The following FCSK variants were observed in gnomAD, a reference collection of about 807,000 sequenced individuals.
FCSK encodes the protein L-fucose kinase.
Under a neutral mutation model 122.5 loss-of-function variants are expected in FCSK, and 123 were observed. That is an observed-to-expected ratio of 1.00 (90% CI 0.87 to 1.17). FCSK has a LOEUF of 1.17. Ranked by LOEUF, FCSK falls within the 50% of genes most tolerant of loss-of-function variation. The pLI, the probability that FCSK is intolerant of heterozygous loss-of-function variation, is 0.00. For missense variants in FCSK, 1,366 were observed against 1,450.4 expected, an observed-to-expected ratio of 0.94 and a Z score of 0.95; for synonymous variants, 620 against 625.5, an observed-to-expected ratio of 0.99 and a Z score of 0.13.
rs748587910 is a variant in FCSK, at chr16:70,463,726, C to T, written c.186C>T (p.Asn62=). ...KRVGSGGATL[N]ALLVAAEHLS... ...TGGGCAGCGGAGGAGCCACCCTCAA[C>T]GCCCTGCTGGTGGCTGCTGAACACC... The change falls in exon 3 of 24, where the codon AAC becomes AAT. Residue 62 remains asparagine, a synonymous_variant. Coordinates refer to ENST00000288078, the MANE Select transcript of FCSK (RefSeq NM_145059.3). The T allele has an allele frequency of 6.6e-5, 107 of 1,612,512 alleles. No individual in the cohort carries two copies. Among genetic ancestry groups the T allele is most frequent in the Middle Eastern group, 1.9e-4 (1 of 5,368 alleles).
chr16:70,476,753 C>G (rs1216745201), intron 20 of FCSK, among the ~76,000 whole-genome samples: 7 of 152,316 alleles, frequency 4.6e-5, no homozygotes, highest in Middle Eastern at 6.8e-3. Context: ...GACTCATATC[C>G]CATAATCGGT....
chr16:70,471,812 G>GTT lies in FCSK; in HGVS notation c.1341+476_1341+477dup, dbSNP rs1230034123. ...GCTAGTCTGGTTGGGTGGGGTTGTT[G>GTT]TTTTTTTTTTTTTTTTTGAGACTCA... On this transcript the variant is annotated intron_variant, in intron 13 of 23. Coordinates refer to ENST00000288078, the MANE Select transcript of FCSK (RefSeq NM_145059.3). Among the ~76,000 whole-genome samples the GTT allele has an allele frequency of 5.6e-4, 72 of 128,642 alleles. 1 individual carries two copies. Among genetic ancestry groups the GTT allele is most frequent in the African/African-American group, 1.9e-3 (60 of 32,354 alleles). The allele number at this position is 128,642 out of a possible 152,430, so 84.4% of individuals were successfully genotyped here.
In FCSK at chr16:70,479,967, CA is replaced by C. The variant is rs2048946539; in HGVS notation, c.*289del. 3 of 292,556 alleles carry C rather than the reference CA, an allele frequency of 1.0e-5. No individual in the cohort carries two copies. In the Admixed American group the frequency reaches 1.4e-4, roughly 13 times the overall value. The allele number at this position is 292,556 out of a possible 1,614,324, so 18.1% of individuals were successfully genotyped here. A position where few individuals can be genotyped will look rare whatever the true frequency, so the allele number is the denominator to read the frequency against. On this transcript the variant is annotated 3_prime_UTR_variant, in exon 24 of 24. Coordinates refer to ENST00000288078, the MANE Select transcript of FCSK (RefSeq NM_145059.3). ...TCCTATGGCTGGCCTTCTCATTCCA[CA>C]AGGGCCCTGGAAAGGGTTGACAGCC...
chr16:70,473,857 C>A lies in FCSK; in HGVS notation c.1778-272C>A, dbSNP rs1164859143. Among the ~76,000 whole-genome samples the A allele has an allele frequency of 6.6e-6, 1 of 152,154 alleles. No individual in the cohort carries two copies. Among genetic ancestry groups the A allele is most frequent in the African/African-American group, 2.4e-5 (1 of 41,430 alleles). ...GCTGGTGGTGAGGCTGAGACCTGAG[C>A]CCAGGTGGTTTGAGCCCAGAGCCTG... is the stretch of plus-strand genomic sequence containing the variant. On this transcript the variant is annotated intron_variant, in intron 15 of 23. Transcript: ENST00000288078. The surrounding 1 kb of genome is among the most constrained non-coding windows in gnomAD (Gnocchi z 4.9).
At chr16:70,470,940 C>A (rs1597623978) in intron 11 of FCSK, 31 bp from the exon 12 acceptor site, 1 of 1,519,102 alleles carries the variant, frequency 6.6e-7, no homozygotes, top group East Asian at 2.4e-5. Context: ...GGCCTCGACC[C>A]CCCTCATGCT....
chr16:70,468,607 T>C (rs1454300902), intron 8 of FCSK, among the ~76,000 whole-genome samples: 1 of 151,012 alleles, frequency 6.6e-6, no homozygotes, highest in African/African-American at 2.4e-5. Context: ...GAGTGGACCA[T>C]GGCGAGGGTG....
chr16:70,467,906 C>T lies in FCSK; in HGVS notation c.603C>T (p.Tyr201=). 6.2e-7 allele frequency: 1 copy of T among 1,614,148 alleles called. No individual in the cohort carries two copies. Among genetic ancestry groups the T allele is most frequent in the Non-Finnish European group, 8.5e-7 (1 of 1,179,988 alleles). The change falls in exon 8 of 24, where the codon TAC becomes TAT. Residue 201 remains tyrosine (Y), a synonymous_variant. Transcript: ENST00000288078. ...CATAGGGCCTTGTTTTGGACATTTA[C>T]TACCAGGGCACTGAGGCAGAGATTC... ...TDPQGLVLDI[Y]YQGTEAEIQR... is the part of the protein sequence containing the mutation.
rs1023174566 is a variant in FCSK, at chr16:70,457,687, G to A, written c.-23+3057G>A. Among the ~76,000 whole-genome samples, 10 of 152,040 alleles carry A rather than the reference G, an allele frequency of 6.6e-5. No homozygotes were observed. The South Asian group carries it at 1.0e-3, about 16-fold the overall frequency. On this transcript the variant is annotated intron_variant, in intron 1 of 23. Transcript: ENST00000288078. ...CCCCCAGGGCTGAAACAATGCTTCC[G>A]CCTCAGCCTCCTGAGTAGCTGTGAC...
rs368134831 is a variant in FCSK at position 70,471,301 on chromosome 16, C to T, written c.1290C>T (p.His430=). Residue 430 remains histidine, a synonymous_variant, in exon 13 of 24, where the codon CAC becomes CAT. Coordinates refer to ENST00000288078, the MANE Select transcript of FCSK (RefSeq NM_145059.3). ...LVLQGHHTRL[H]GSPGHAFTLV... is the part of the protein sequence containing the mutation. ...TGCAGGGACACCACACGCGGCTACA[C>T]GGCTCCCCGGGCCACGCCTTCACCC... The T allele has an allele frequency of 1.2e-5, 19 of 1,602,660 alleles. No homozygotes were observed. The highest frequency in any genetic ancestry group is 4.0e-5 in the African/African-American group (3 of 74,788).
In FCSK at chr16:70,479,645, G is replaced by A. The variant is rs371908996; in HGVS notation, c.3220G>A (p.Gly1074Arg). 4.3e-6 allele frequency: 7 copies of A among 1,614,108 alleles called. No homozygotes were observed. The highest frequency in any genetic ancestry group is 3.3e-5 in the South Asian group (3 of 91,072). Residue 1074 changes from glycine to arginine, a missense_variant, in exon 24 of 24, where the codon GGG becomes AGG. Transcript: ENST00000288078. ...DTQGLSLKLL[G>R]TEASTCCPFP ...TCAGGGCCTGAGCCTGAAGCTGCTG[G>A]GGACCGAGGCCTCAACCTGTTGCCC...
At chr16:70,478,727 T>A in intron 22 of FCSK, 77 bp downstream of exon 22, 3 of 1,203,822 alleles carry the variant, frequency 2.5e-6, no homozygotes, top group Non-Finnish European at 3.6e-6. Context: ...GCCAGGGTCA[T>A]CTGCAGGCTT....
chr16:70,469,097 C>T, intron 9 of FCSK, 55 bp from the exon 10 acceptor site: 1 of 1,608,736 alleles, frequency 6.2e-7, no homozygotes. Flanking sequence ...AGCCTCAGAA[C>T]TTGGGGGCTG....
At position 70,474,810 on chromosome 16, in the gene FCSK, C is replaced by T; in HGVS notation, c.2176C>T (p.Pro726Ser). ...CATAGGGGGCTGGAGTGACACGCCA[C>T]CCCTTGCCTATGAGCTTGGCGGGGC... ...DFSGGWSDTP[P>S]LAYELGGAVL... is the part of the protein sequence containing the mutation. Residue 726 changes from proline to serine, a missense_variant, in exon 18 of 24, where the codon CCC becomes TCC. By Grantham distance (74) the Pro-to-Ser change is moderately conservative. Coordinates refer to ENST00000288078, the MANE Select transcript of FCSK (RefSeq NM_145059.3). 1 of 1,583,550 alleles carries T rather than the reference C, an allele frequency of 6.3e-7. No individual in the cohort carries two copies. Among genetic ancestry groups the T allele is most frequent in the Non-Finnish European group, 8.6e-7 (1 of 1,165,126 alleles).
intron 5 of FCSK, 178 bp downstream of exon 5, chr16:70,466,435 A>G: frequency 2.7e-6 from 2 of 738,680 alleles, no homozygotes; most frequent in Middle Eastern, 4.0e-4. Flanking sequence ...GCTCATGCCT[A>G]TAATTTCAGC....
rs2048723925 is a variant in FCSK, at chr16:70,474,271, C to T, written c.1920C>T (p.Tyr640=). The change falls in exon 16 of 24, where the codon TAC becomes TAT. Residue 640 remains tyrosine, a synonymous_variant. Transcript: ENST00000288078. ...CTGAGTGGATGCGGCCCTTCTCATA[C>T]CTGGAGTGTGGAGACCTGGCAGCGG... The part of the protein sequence containing the change: ...ANPEWMRPFS[Y]LECGDLAAGV... 3.1e-6 allele frequency: 5 copies of T among 1,613,248 alleles called. No individual in the cohort carries two copies. In the East Asian group the frequency reaches 1.1e-4, roughly 36 times the overall value.
chr16:70,466,771 C>T, intron 5 of FCSK, 111 bp from the exon 6 acceptor site: 1 of 884,512 alleles, frequency 1.1e-6, no homozygotes, highest in Admixed American at 2.3e-5. Context: ...GGGGGCAGAC[C>T]AGGTCTTGGA....
Position 70,475,489 on chromosome 16 carries a change from C to T in FCSK, c.2517C>T (p.Gly839=), listed in dbSNP as rs771303678. The change falls in exon 19 of 24, where the codon GGC becomes GGT. Residue 839 remains glycine (G), a synonymous_variant. Transcript: ENST00000288078. ...HTWSELPHGS[G]LGTSSILAGT... ...GGTCTGAGCTGCCCCACGGCTCTGGCCTGGGTGAGCGGGCCCTGCCTCCTG... is the reference window on the plus strand; with the variant it reads ...GGTCTGAGCTGCCCCACGGCTCTGGTCTGGGTGAGCGGGCCCTGCCTCCTG... 107 of 1,602,150 alleles carry T rather than the reference C, an allele frequency of 6.7e-5. No individual in the cohort carries two copies. Among genetic ancestry groups the T allele is most frequent in the Non-Finnish European group, 8.9e-5 (105 of 1,177,768 alleles).
chr16:70,463,101 A>G, intron 1 of FCSK, 68 bp from the exon 2 acceptor site: 2 of 905,856 alleles, frequency 2.2e-6, no homozygotes, highest in Non-Finnish European at 3.5e-6. Flanking sequence ...AGAATTGTAT[A>G]TAAAATTAAT....
At position 70,466,881 on chromosome 16, in the gene FCSK, G is replaced by T. The variant is rs756059538; in HGVS notation, c.412-1G>T. 1 of 1,613,132 alleles carries T rather than the reference G, an allele frequency of 6.2e-7. No homozygotes were observed. The highest frequency in any genetic ancestry group is 1.1e-5 in the South Asian group (1 of 91,044). On this transcript the variant is annotated splice_acceptor_variant, in intron 5 of 23. Coordinates refer to ENST00000288078, the MANE Select transcript of FCSK (RefSeq NM_145059.3). LOFTEE classifies it high-confidence loss of function. ...TGTGTTCTGTCTCCTTCCCCCCACAGCTGGGCCCGGGCTCCCCGCCAGGCG... is the reference window on the plus strand; with the variant it reads ...TGTGTTCTGTCTCCTTCCCCCCACATCTGGGCCCGGGCTCCCCGCCAGGCG...
Sources: allele counts gnomAD v4.1 joint callset (sites outside exome capture counted in the v4.1 genomes callset), GRCh38; gene constraint gnomAD v4.1.1; non-coding constraint Gnocchi (gnomAD v3.1); transcripts MANE v1.5; gene names NCBI Gene and HGNC (gene_info 2026-07-23, HGNC 2026-07-21).